ZBTB41: variants seen among roughly 807,000 people sequenced by gnomAD.
The protein encoded by ZBTB41 is zinc finger and BTB domain-containing protein 41.
ZBTB41 carries 42 observed loss-of-function variants against 87.6 expected under a neutral mutation model. The observed-to-expected ratio is 0.48, with a 90% CI of 0.37 to 0.62. ZBTB41 has a LOEUF of 0.62. Ranked by LOEUF, ZBTB41 falls within the 20% of genes least tolerant of loss-of-function variation. The pLI is 0.00. For missense variants in ZBTB41, 799 were observed against 1,078.9 expected, an observed-to-expected ratio of 0.74 and a Z score of 3.63; for synonymous variants, 364 against 364.0, an observed-to-expected ratio of 1.00 and a Z score of 0.00.
At chr1:197,174,892 G>A in intron 9 of ZBTB41, 118 bp downstream of exon 9, 2 of 654,694 alleles carry the variant, frequency 3.1e-6, no homozygotes, top group Non-Finnish European at 5.1e-6. Flanking sequence ...GCTACAGAAT[G>A]TAGAGAAAGA....
chr1:197,178,420 TACGA>T lies in ZBTB41; in HGVS notation c.1765_1768del (p.Ser589IlefsTer122). 3 of 1,605,514 alleles carry T rather than the reference TACGA, an allele frequency of 1.9e-6. No individual in the cohort carries two copies. The highest frequency in any genetic ancestry group is 2.6e-6 in the Non-Finnish European group (3 of 1,175,674). ...GGGAAAAAATGGTTTTACTTACCTATACGAACTTCCATGACGAAAACTTTGCCCA... is the reference window on the plus strand; with the variant it reads ...GGGAAAAAATGGTTTTACTTACCTATACTTCCATGACGAAAACTTTGCCCA... On this transcript the variant is annotated frameshift_variant, in exon 7 of 11. Transcript: ENST00000367405. LOFTEE classifies it high-confidence loss of function.
At chr1:197,199,256 T>C in intron 2 of ZBTB41, 98 bp downstream of exon 2, 1 of 1,238,378 alleles carries the variant, frequency 8.1e-7, no homozygotes. Flanking sequence ...AACAGTCTTT[T>C]TAGAAGTTAC....
intron 2 of ZBTB41, among the ~76,000 whole-genome samples, chr1:197,193,065 G>A (rs1660073733): frequency 6.6e-6 from 1 of 152,110 alleles, no homozygotes; most frequent in Non-Finnish European, 1.5e-5. Context: ...CATAGTAATG[G>A]TATATGCATA....
intron 2 of ZBTB41, among the ~76,000 whole-genome samples, chr1:197,194,581 T>C (rs1660114987): frequency 6.7e-6 from 1 of 148,746 alleles, no homozygotes; most frequent in African/African-American, 2.5e-5. Context: ...TAAGCTTCCA[T>C]TTCCCTACAG....
In ZBTB41 at chr1:197,163,075, A is replaced by G. The variant is rs144108960; in HGVS notation, c.2075-3061T>C. On this transcript the variant is annotated intron_variant, in intron 10 of 10. Transcript: ENST00000367405. ...AGACAGAGATTAGAGTTCAGGACTC[A>G]CCAAAGTGAGAAACTCTGGTAAAAA... 1.4e-4 allele frequency among the ~76,000 whole-genome samples: 22 copies of G among 152,338 alleles called. No individual in the cohort carries two copies. In the East Asian group the frequency reaches 4.1e-3, roughly 28 times the overall value.
At chr1:197,187,404 T>C (rs1486767215) in intron 5 of ZBTB41, among the ~76,000 whole-genome samples, 1 of 152,164 alleles carries the variant, frequency 6.6e-6, no homozygotes, top group Non-Finnish European at 1.5e-5. Context: ...TGGCCCAGGA[T>C]ACCAAAATCC....
chr1:197,163,489 T>TA (rs1659246420), intron 10 of ZBTB41, among the ~76,000 whole-genome samples: 1 of 152,024 alleles, frequency 6.6e-6, no homozygotes, highest in Non-Finnish European at 1.5e-5. Context: ...TGAAGATGCC[T>TA]AATGTACATG....
At chr1:197,160,295 A>T (rs1659168843) in intron 10 of ZBTB41, among the ~76,000 whole-genome samples, 1 of 152,122 alleles carries the variant, frequency 6.6e-6, no homozygotes. Flanking sequence ...TGTAATATGG[A>T]ATAATAACCA....
intron 10 of ZBTB41, among the ~76,000 whole-genome samples, chr1:197,167,792 T>G (rs1659385606): frequency 6.6e-6 from 1 of 152,172 alleles, no homozygotes; most frequent in Admixed American, 6.5e-5. Context: ...CATACTTAAT[T>G]GTGAATTATT....
chr1:197,179,641 C>A (rs1659695673), intron 6 of ZBTB41, among the ~76,000 whole-genome samples: 1 of 151,982 alleles, frequency 6.6e-6, no homozygotes, highest in South Asian at 2.1e-4. Flanking sequence ...TCCCTGAAGA[C>A]CTTCCAGTGG....
chr1:197,165,967 G>A (rs564662634), intron 10 of ZBTB41, among the ~76,000 whole-genome samples: 3 of 151,950 alleles, frequency 2.0e-5, no homozygotes, highest in South Asian at 4.2e-4. Flanking sequence ...AGGGTGGGGC[G>A]TTGCCTCACT....
chr1:197,180,839 G>C, intron 6 of ZBTB41, 149 bp downstream of exon 6: 1 of 805,876 alleles, frequency 1.2e-6, no homozygotes, highest in Non-Finnish European at 1.8e-6. Flanking sequence ...CATAACATTT[G>C]TGTAATTCCT....
At chr1:197,198,333 A>G (rs1660217930) in intron 2 of ZBTB41, among the ~76,000 whole-genome samples, 1 of 152,224 alleles carries the variant, frequency 6.6e-6, no homozygotes, top group Admixed American at 6.5e-5. Flanking sequence ...CTGTTATGTC[A>G]GCGTATAATG....
chr1:197,194,553 T>C (rs1176866332), intron 2 of ZBTB41, among the ~76,000 whole-genome samples: 1 of 145,470 alleles, frequency 6.9e-6, no homozygotes, highest in Non-Finnish European at 1.5e-5. Flanking sequence ...TATTAAAAAT[T>C]AAAATCACTT....
At chr1:197,180,932 G>T in intron 6 of ZBTB41, 56 bp downstream of exon 6, 1 of 1,520,988 alleles carries the variant, frequency 6.6e-7, no homozygotes. Context: ...CATATTGATT[G>T]ATTATTTCTA....
intron 8 of ZBTB41, chr1:197,175,940 C>G (rs1051884204): frequency 1.5e-4 from 23 of 151,844 alleles, no homozygotes; most frequent in African/African-American, 5.1e-4. Context: ...CCTGTTCTAC[C>G]GTGCTCATAG....
chr1:197,190,797 T>G lies in ZBTB41; in HGVS notation c.1363A>C (p.Ile455Leu). The G allele has an allele frequency of 6.3e-7, 1 of 1,592,252 alleles. No individual in the cohort carries two copies. The highest frequency in any genetic ancestry group is 8.6e-7 in the Non-Finnish European group (1 of 1,167,020). ...HPENAQEFIS[I>L]KKTKSESWKC... ...CAACTTTCACTCTTAGTCTTCTTAA[T>G]GGAAATAAATTCTTGTGCATTTTCA... Residue 455 changes from isoleucine to leucine, a missense_variant, in exon 4 of 11, where the codon ATT (isoleucine) becomes CTT (leucine). Coordinates refer to ENST00000367405, the MANE Select transcript of ZBTB41 (RefSeq NM_194314.3).
chr1:197,192,679 T>C (rs1011868508), intron 2 of ZBTB41, among the ~76,000 whole-genome samples: 2 of 152,144 alleles, frequency 1.3e-5, no homozygotes, highest in African/African-American at 4.8e-5. Flanking sequence ...CTTTGCTCTC[T>C]CCTGAAAAAT....
chr1:197,160,949 A>C (rs1312888403), intron 10 of ZBTB41, among the ~76,000 whole-genome samples: 2 of 152,148 alleles, frequency 1.3e-5, no homozygotes, highest in African/African-American at 2.4e-5. Context: ...GGAAGGAGGA[A>C]GCTAGAACAT....
Sources: gnomAD v4.1 joint callset for allele counts (sites outside exome capture counted in the v4.1 genomes callset) on GRCh38, gnomAD v4.1.1 for gene constraint, MANE v1.5 for transcripts, NCBI Gene and HGNC (gene_info 2026-07-23, HGNC 2026-07-21) for gene names.